Variants in PDE4D observed in about 807,000 individuals in gnomAD.
PDE4D encodes the protein phosphodiesterase 4D.
In PDE4D, 24 loss-of-function variants were observed where a neutral mutation model predicts 87.4. That is an observed-to-expected ratio of 0.27 (90% confidence interval 0.20 to 0.39). The LOEUF (loss-of-function observed/expected upper bound fraction) is 0.39, where lower values mean the gene tolerates loss of function less well. Among genes scored for constraint, PDE4D ranks in the 10% least tolerant of loss-of-function variants. The probability of loss-of-function intolerance (pLI) is 1.00; values close to 1 mark genes in which losing one functional copy is unlikely to be tolerated. For synonymous variants in PDE4D, 384 were observed against 383.2 expected (o/e 1.00, Z -0.02); for missense variants, 714 against 1,041.0 (o/e 0.69, Z 4.32).
chr5:60,361,154 A>G (rs542398146), intron 1 of PDE4D, among the ~76,000 whole-genome samples: 1 of 152,298 alleles, frequency 6.6e-6, no homozygotes, highest in East Asian at 1.9e-4. Context: ...AAGCCATACA[A>G]TGTAGTATCT....
intron 1 of PDE4D, among the ~76,000 whole-genome samples, chr5:59,482,645 G>A (rs1368782107): frequency 2.6e-5 from 4 of 152,032 alleles, no homozygotes; most frequent in Admixed American, 1.3e-4. Context: ...TAGTAAATAA[G>A]GATTATTTTT....
Position 59,182,114 on chromosome 5 carries a change from GT to G in PDE4D, c.759-1471del, listed in dbSNP as rs958532267. ...CAAATTTTACTTCTGAATTATTTTAGTTTTTTTTAGTTATAAAATAAAATGG... is the reference window on the plus strand; with the variant it reads ...CAAATTTTACTTCTGAATTATTTTAGTTTTTTTAGTTATAAAATAAAATGG... On this transcript the variant is annotated intron_variant, in intron 4 of 14. Coordinates refer to ENST00000340635, the MANE Select transcript of PDE4D (RefSeq NM_001104631.2). Among the ~76,000 whole-genome samples the G allele has an allele frequency of 1.3e-4, 19 of 151,860 alleles. No homozygotes were observed. In the East Asian group the frequency reaches 3.1e-3, roughly 25 times the overall value.
At chr5:60,108,648 G>C (rs554543026) in intron 2 of PDE4D, among the ~76,000 whole-genome samples, 369 of 152,134 alleles carry the variant, frequency 2.4e-3, no homozygotes, top group African/African-American at 7.5e-3. Context: ...CATGGTACTG[G>C]TACCAAAACA....
chr5:59,299,445 C>T (rs1769742772), intron 1 of PDE4D, among the ~76,000 whole-genome samples: 2 of 152,136 alleles, frequency 1.3e-5, no homozygotes, highest in African/African-American at 4.8e-5. Context: ...CTTCCCTACT[C>T]CTTTACTTAT....
At position 58,971,144 on chromosome 5, in the gene PDE4D, C is replaced by T. The variant is rs1227691786; in HGVS notation, c.*3520G>A. On this transcript the variant is annotated 3_prime_UTR_variant, in exon 15 of 15. Coordinates refer to ENST00000340635, the MANE Select transcript of PDE4D (RefSeq NM_001104631.2). ...GATGTAAAATGCCCAGCCCTAGCTC[C>T]ACTGTTACCTTTCAAATGCAGCAAA... 6.6e-6 allele frequency: 1 copy of T among 152,146 alleles called. No homozygotes were observed. The highest frequency in any genetic ancestry group is 1.5e-5 in the Non-Finnish European group (1 of 68,028). 9.4% of individuals were successfully genotyped at this position (152,146 alleles called of 1,614,324 possible).
At chr5:60,332,115 T>C (rs1757350056) in intron 1 of PDE4D, among the ~76,000 whole-genome samples, 1 of 152,240 alleles carries the variant, frequency 6.6e-6, no homozygotes, top group African/African-American at 2.4e-5. Context: ...CTTTGTATAA[T>C]GACAACTTAG....
chr5:59,838,377 C>G (rs944726297), intron 1 of PDE4D, among the ~76,000 whole-genome samples: 5 of 152,180 alleles, frequency 3.3e-5, no homozygotes, highest in Admixed American at 3.3e-4. Context: ...TTTCATATCC[C>G]CATAAGGGAT....
At chr5:58,995,267 G>C (rs556545402) in intron 6 of PDE4D, among the ~76,000 whole-genome samples, 1 of 152,086 alleles carries the variant, frequency 6.6e-6, no homozygotes, top group East Asian at 1.9e-4. Flanking sequence ...CCCACTGCTG[G>C]AAGATAACCA....
At chr5:59,388,626 T>TGTACAC (rs1554152132) in intron 1 of PDE4D, among the ~76,000 whole-genome samples, 1 of 148,214 alleles carries the variant, frequency 6.7e-6, no homozygotes, top group Non-Finnish European at 1.5e-5. Flanking sequence ...GAAAATGTGG[T>TGTACAC]ACACACACAC....
At chr5:60,072,812 GC>G (rs1772865577) in intron 2 of PDE4D, among the ~76,000 whole-genome samples, 3 of 152,106 alleles carry the variant, frequency 2.0e-5, no homozygotes. Context: ...TAGGTGTGCA[GC>G]CTTATTTCAG....
chr5:59,749,123 A>T (rs912376375), intron 1 of PDE4D, among the ~76,000 whole-genome samples: 1 of 152,222 alleles, frequency 6.6e-6, no homozygotes, highest in African/African-American at 2.4e-5. Flanking sequence ...TCAGTCCTGT[A>T]TCATCACTAC....
chr5:59,667,658 C>T (rs528714029), intron 1 of PDE4D, among the ~76,000 whole-genome samples: 41 of 152,112 alleles, frequency 2.7e-4, no homozygotes, highest in Non-Finnish European at 5.7e-4. Flanking sequence ...CTTTTTCAAG[C>T]GCCATATTAG....
chr5:59,968,275 C>T (rs993174514), intron 3 of PDE4D, among the ~76,000 whole-genome samples: 21 of 152,016 alleles, frequency 1.4e-4, no homozygotes, highest in Non-Finnish European at 1.9e-4. Context: ...TGAGCCACTG[C>T]GCCCGGCCCA....
chr5:59,559,911 A>G (rs1819664100), intron 1 of PDE4D, among the ~76,000 whole-genome samples: 1 of 152,248 alleles, frequency 6.6e-6, no homozygotes, highest in African/African-American at 2.4e-5. Flanking sequence ...ATATAAATGA[A>G]GAAACATGCC....
chr5:60,515,668 A>G (rs1476700351), intron 1 of PDE4D, among the ~76,000 whole-genome samples: 1 of 144,122 alleles, frequency 6.9e-6, no homozygotes. Flanking sequence ...TGAGATGGCC[A>G]CAACCCATTA....
intron 1 of PDE4D, among the ~76,000 whole-genome samples, chr5:59,253,532 A>G (rs1357279946): frequency 1.3e-5 from 2 of 152,134 alleles, no homozygotes; most frequent in African/African-American, 2.4e-5. Context: ...GATGGGATAT[A>G]GATGATGATT....
At chr5:60,176,224 C>A (rs1783887273) in intron 2 of PDE4D, among the ~76,000 whole-genome samples, 1 of 152,156 alleles carries the variant, frequency 6.6e-6, no homozygotes, top group South Asian at 2.1e-4. Context: ...TGCTGGTTTA[C>A]ATGACATCTG....
intron 1 of PDE4D, among the ~76,000 whole-genome samples, chr5:59,784,137 G>C (rs944154112): frequency 1.3e-5 from 2 of 151,984 alleles, no homozygotes; most frequent in South Asian, 4.2e-4. Context: ...TAAGAGAGAA[G>C]TCACTGCATA....
chr5:59,584,956 G>T (rs1348796439), intron 1 of PDE4D, among the ~76,000 whole-genome samples: 2 of 152,156 alleles, frequency 1.3e-5, no homozygotes, highest in Non-Finnish European at 2.9e-5. Context: ...AAATTTGTCT[G>T]TAAGAATAAT....
Sources: gnomAD v4.1 joint callset for allele counts (sites outside exome capture counted in the v4.1 genomes callset) on GRCh38, gnomAD v4.1.1 for gene constraint, MANE v1.5 for transcripts, NCBI Gene and HGNC (gene_info 2026-07-23, HGNC 2026-07-21) for gene names.